Variants in TLE3 observed in about 807,000 individuals in gnomAD.
The protein encoded by TLE3 is TLE family member 3, transcriptional corepressor.
TLE3 carries 14 observed loss-of-function variants against 93.0 expected under a neutral mutation model. The observed-to-expected ratio is 0.15, with a 90% CI of 0.10 to 0.24. The LOEUF is 0.24. Ranked by LOEUF, TLE3 falls within the 10% of genes least tolerant of loss-of-function variation. The pLI is 1.00. For synonymous variants in TLE3, 451 were observed against 425.0 expected (o/e 1.06, Z -0.75); for missense variants, 693 against 1,046.6 (o/e 0.66, Z 4.66).
rs1595882146 is a variant in TLE3, at chr15:70,058,375, G to A, written c.919-84C>T. The A allele has an allele frequency of 3.9e-6, 6 of 1,521,506 alleles. No homozygotes were observed. In the East Asian group the frequency reaches 6.8e-5, roughly 17 times the overall value. The allele number at this position is 1,521,506 out of a possible 1,614,324, so 94.3% of individuals were successfully genotyped here. On this transcript the variant is annotated intron_variant, in intron 11 of 19. Coordinates refer to ENST00000451782, the MANE Select transcript of TLE3 (RefSeq NM_001105192.3). This position sits in a 1 kb window ranked among gnomAD's most constrained non-coding sequence, Gnocchi z 4.1. Reference sequence around the variant, plus strand: ...GGGCACAACTGGTGCCGGTCCCAACGTGAAGCCCAGAGCCAGACCCTTATG... The same window carrying A: ...GGGCACAACTGGTGCCGGTCCCAACATGAAGCCCAGAGCCAGACCCTTATG...
intron 1 of TLE3, 192 bp downstream of exon 1, chr15:70,096,583 C>G (rs1012848958): frequency 2.0e-6 from 3 of 1,515,948 alleles, no homozygotes; most frequent in Non-Finnish European, 1.8e-6. Context: ...CAAGCAGCCC[C>G]CCGCGCCACT....
chr15:70,090,642 C>T (rs866682426), intron 4 of TLE3, among the ~76,000 whole-genome samples: 1 of 152,126 alleles, frequency 6.6e-6, no homozygotes, highest in Admixed American at 6.5e-5. Flanking sequence ...TGGGGATTTT[C>T]CATTTCCTAC....
In TLE3 at chr15:70,053,333, A is replaced by G. The variant is rs1325751689; in HGVS notation, c.1868T>C (p.Ile623Thr). Residue 623 changes from isoleucine (I) to threonine (T), a missense_variant, in exon 17 of 20, where the codon ATC (isoleucine) becomes ACC (threonine). Transcript: ENST00000451782. ...CCACAGTTTGGTGCCATCATGGGAG[A>G]TGTCTATGCAGCTGGCCCCATCTGT... ...GHTDGASCID[I>T]SHDGTKLWTG... 1.2e-6 allele frequency: 2 copies of G among 1,609,146 alleles called. No homozygotes were observed. Among genetic ancestry groups the G allele is most frequent in the Non-Finnish European group, 1.7e-6 (2 of 1,177,790 alleles).
At chr15:70,095,780 G>T in intron 2 of TLE3, 139 bp from the exon 3 acceptor site, 1 of 1,046,790 alleles carries the variant, frequency 9.6e-7, no homozygotes, top group Non-Finnish European at 1.4e-6. Flanking sequence ...ACAGCCTGGG[G>T]ACGCGGGGGG....
rs1263020179 is a variant in TLE3 at position 70,097,134 on chromosome 15, G to A, written c.-336C>T. 4.7e-6 allele frequency: 2 copies of A among 426,902 alleles called. No individual in the cohort carries two copies. The highest frequency in any genetic ancestry group is 7.5e-5 in the South Asian group (1 of 13,352). The allele number at this position is 426,902 out of a possible 1,614,324, so 26.4% of individuals were successfully genotyped here. On this transcript the variant is annotated 5_prime_UTR_variant, in exon 1 of 20. The change creates a new upstream start codon in the 5' untranslated region. Coordinates refer to ENST00000451782, the MANE Select transcript of TLE3 (RefSeq NM_001105192.3). ...CAATGCCTGGGACTGCGCGGACATCGTCGGCTCCCCAGCAGGTCCGGCGCG... is the reference window on the plus strand; with the variant it reads ...CAATGCCTGGGACTGCGCGGACATCATCGGCTCCCCAGCAGGTCCGGCGCG...
chr15:70,087,549 A>G (rs2058088676), intron 4 of TLE3, among the ~76,000 whole-genome samples: 1 of 152,248 alleles, frequency 6.6e-6, no homozygotes, highest in Non-Finnish European at 1.5e-5. Flanking sequence ...AGCAGCCAGA[A>G]CACTGGATCC....
chr15:70,096,297 G>A (rs1331009855), intron 1 of TLE3, 36 bp from the exon 2 acceptor site: 17 of 1,549,610 alleles, frequency 1.1e-5, no homozygotes, highest in Non-Finnish European at 1.5e-5. Flanking sequence ...GGAGGGGGCG[G>A]GGGCATGAGA....
At position 70,049,736 on chromosome 15, in the gene TLE3, C is replaced by G; in HGVS notation, c.*361G>C. 4.6e-6 allele frequency: 1 copy of G among 216,070 alleles called. No individual in the cohort carries two copies. Among genetic ancestry groups the G allele is most frequent in the East Asian group, 1.0e-4 (1 of 9,608 alleles). 13.4% of individuals were successfully genotyped at this position (216,070 alleles called of 1,614,324 possible). On this transcript the variant is annotated 3_prime_UTR_variant, in exon 20 of 20. Transcript: ENST00000451782. ...AACATTGTGGTCCACTCCAGCACCC[C>G]CGACCCAAGGTGAGGGACAGGGCAA...
chr15:70,071,159 C>T (rs2057133162), intron 6 of TLE3, among the ~76,000 whole-genome samples: 1 of 152,174 alleles, frequency 6.6e-6, no homozygotes, highest in African/African-American at 2.4e-5. Context: ...CTGCCTTCTG[C>T]AGGTTGCTGA....
intron 4 of TLE3, among the ~76,000 whole-genome samples, chr15:70,089,635 T>C (rs2058209700): frequency 6.6e-6 from 1 of 152,200 alleles, no homozygotes; most frequent in Non-Finnish European, 1.5e-5. Context: ...TATAGAGACC[T>C]CAGCAGAGGG....
intron 4 of TLE3, among the ~76,000 whole-genome samples, chr15:70,092,231 C>T (rs183884250): frequency 4.6e-5 from 7 of 152,312 alleles, no homozygotes; most frequent in Non-Finnish European, 8.8e-5. Context: ...TTCTACAGAA[C>T]CCTTGCAAAC....
chr15:70,051,506 CACTGCCCTCTAAAGCAAGA>C (rs1256222598), intron 18 of TLE3, 39 bp from the exon 19 acceptor site: 1 of 1,567,186 alleles, frequency 6.4e-7, no homozygotes, highest in Non-Finnish European at 8.7e-7. Flanking sequence ...GGTTGTAGCT[CACTGCCCTCTAAAGCAAGA>C]CCTGCCCTAG....
chr15:70,071,459 T>A (rs886697717), intron 6 of TLE3, among the ~76,000 whole-genome samples: 1 of 151,756 alleles, frequency 6.6e-6, no homozygotes, highest in African/African-American at 2.4e-5. Context: ...CTGCCCTTTC[T>A]CACCAGGAAG....
At chr15:70,062,433 G>A (rs1309280049) in intron 8 of TLE3, among the ~76,000 whole-genome samples, 4 of 152,308 alleles carry the variant, frequency 2.6e-5, no homozygotes, top group Admixed American at 6.5e-5. Context: ...CCCGGTGCTC[G>A]GCTCGGGAGA....
At chr15:70,068,302 A>G (rs961609105) in intron 6 of TLE3, among the ~76,000 whole-genome samples, 1 of 152,220 alleles carries the variant, frequency 6.6e-6, no homozygotes, top group Non-Finnish European at 1.5e-5. Context: ...CCTGTGAACC[A>G]TACTGCTATA....
At position 70,059,521 on chromosome 15, in the gene TLE3, G is replaced by A. The variant is rs915730733; in HGVS notation, c.715-61C>T. The A allele has an allele frequency of 3.5e-5, 54 of 1,527,614 alleles. 2 individuals are homozygous for A. The South Asian group carries it at 5.3e-4, about 15-fold the overall frequency. The allele number at this position is 1,527,614 out of a possible 1,614,324, so 94.6% of individuals were successfully genotyped here. On this transcript the variant is annotated intron_variant, in intron 9 of 19. Transcript: ENST00000451782. ...GGCCACACTTTCCCCACCCCTGACTGAGCCCAAACCACCCTGTCCTTCTAC... is the reference window on the plus strand; with the variant it reads ...GGCCACACTTTCCCCACCCCTGACTAAGCCCAAACCACCCTGTCCTTCTAC...
intron 4 of TLE3, among the ~76,000 whole-genome samples, chr15:70,082,496 G>C (rs1004261156): frequency 6.6e-6 from 1 of 152,138 alleles, no homozygotes; most frequent in African/African-American, 2.4e-5. Flanking sequence ...GCTACTGGAG[G>C]GGCTGGTGAA....
chr15:70,070,550 CT>C (rs1408807327), intron 6 of TLE3, among the ~76,000 whole-genome samples: 2 of 152,212 alleles, frequency 1.3e-5, no homozygotes. Context: ...ACTGCTCCTT[CT>C]CTTTCACATC....
At chr15:70,069,597 G>A (rs1047635197) in intron 6 of TLE3, among the ~76,000 whole-genome samples, 1 of 152,188 alleles carries the variant, frequency 6.6e-6, no homozygotes, top group Non-Finnish European at 1.5e-5. Context: ...AAACTCCCTC[G>A]AGGTCTCCTT....
Sources: gnomAD v4.1 joint callset for allele counts (sites outside exome capture counted in the v4.1 genomes callset) on GRCh38, gnomAD v4.1.1 for gene constraint, Gnocchi (gnomAD v3.1) non-coding constraint, MANE v1.5 for transcripts, NCBI Gene and HGNC (gene_info 2026-07-23, HGNC 2026-07-21) for gene names.